The following SORCS1 variants were observed in gnomAD, a reference collection of about 807,000 sequenced individuals.
SORCS1 encodes the protein sortilin related VPS10 domain containing receptor 1.
Under a neutral mutation model 146.1 loss-of-function variants are expected in SORCS1, and 60 were observed. The ratio of observed to expected loss-of-function variants is 0.41; its 90% CI spans 0.33 to 0.51. SORCS1 has a LOEUF of 0.51. SORCS1 is among the 20% of genes least tolerant of loss of function. The pLI is 0.21. For synonymous variants in SORCS1, 637 were observed against 584.0 expected (o/e 1.09, Z -1.31); for missense variants, 1,352 against 1,487.6 (o/e 0.91, Z 1.50).
chr10:106,911,135 T>C (rs1186364154), intron 2 of SORCS1, among the ~76,000 whole-genome samples: 3 of 152,236 alleles, frequency 2.0e-5, no homozygotes, highest in Non-Finnish European at 4.4e-5. Context: ...GTCAAAGTAT[T>C]CTGTAAACTG....
intron 1 of SORCS1, among the ~76,000 whole-genome samples, chr10:107,077,027 C>A (rs534461964): frequency 6.6e-6 from 1 of 152,178 alleles, no homozygotes; most frequent in Admixed American, 6.5e-5. Context: ...GCATGTGTTA[C>A]TTCTAATGAC....
intron 1 of SORCS1, among the ~76,000 whole-genome samples, chr10:107,087,538 T>C (rs1002140446): frequency 6.6e-6 from 1 of 152,252 alleles, no homozygotes; most frequent in Non-Finnish European, 1.5e-5. Context: ...TAATACCATA[T>C]CTTGAGTCAT....
At chr10:106,826,353 A>C (rs544330607) in intron 3 of SORCS1, among the ~76,000 whole-genome samples, 2 of 152,348 alleles carry the variant, frequency 1.3e-5, no homozygotes, top group African/African-American at 4.8e-5. Context: ...ACCTGAGAGA[A>C]TTAATACAAC....
intron 1 of SORCS1, among the ~76,000 whole-genome samples, chr10:107,143,739 C>T (rs1297318431): frequency 1.3e-5 from 2 of 152,052 alleles, no homozygotes; most frequent in South Asian, 2.1e-4. Flanking sequence ...CTCCTGACCT[C>T]GTGATCTGCC....
chr10:107,151,452 T>A (rs898286860), intron 1 of SORCS1, among the ~76,000 whole-genome samples: 3 of 151,870 alleles, frequency 2.0e-5, no homozygotes, highest in Non-Finnish European at 2.9e-5. Context: ...GCTGGGGAGA[T>A]CTCAGAATGA....
chr10:107,037,362 G>A (rs1309481124), intron 1 of SORCS1, among the ~76,000 whole-genome samples: 3 of 152,230 alleles, frequency 2.0e-5, no homozygotes, highest in South Asian at 2.1e-4. Context: ...AAGTGTGTGA[G>A]GGCAGGCTAC....
At chr10:106,928,043 C>T (rs1953161937) in intron 2 of SORCS1, among the ~76,000 whole-genome samples, 1 of 152,278 alleles carries the variant, frequency 6.6e-6, no homozygotes, top group South Asian at 2.1e-4. Flanking sequence ...GCTGGCTTCA[C>T]CCAGTGGATC....
At chr10:106,609,064 A>C (rs951240293) in intron 22 of SORCS1, among the ~76,000 whole-genome samples, 1 of 152,022 alleles carries the variant, frequency 6.6e-6, no homozygotes, top group African/African-American at 2.4e-5. Context: ...CTCAATTTCC[A>C]CTCCAGGAAA....
intron 24 of SORCS1, among the ~76,000 whole-genome samples, chr10:106,590,269 T>G (rs1845520963): frequency 6.6e-6 from 1 of 152,168 alleles, no homozygotes; most frequent in Non-Finnish European, 1.5e-5. Context: ...GCATAGAACA[T>G]TTTTTCATTC....
At chr10:107,160,196 G>T (rs941613632) in intron 1 of SORCS1, among the ~76,000 whole-genome samples, 2 of 152,154 alleles carry the variant, frequency 1.3e-5, no homozygotes, top group Non-Finnish European at 2.9e-5. Context: ...CTCAAGATAG[G>T]ATTATCTAAA....
chr10:106,860,067 G>GCTTC (rs1949952952), intron 2 of SORCS1, among the ~76,000 whole-genome samples: 1 of 152,184 alleles, frequency 6.6e-6, no homozygotes. Flanking sequence ...AAACTTCAGG[G>GCTTC]CTTCCAGCTG....
At chr10:106,645,859 G>A (rs2133712138) in intron 18 of SORCS1, among the ~76,000 whole-genome samples, 1 of 151,854 alleles carries the variant, frequency 6.6e-6, no homozygotes, top group Non-Finnish European at 1.5e-5. Flanking sequence ...ATAGCTTATT[G>A]AAAACGTATT....
chr10:107,173,925 A>C, the SORCS1 span, among the ~76,000 whole-genome samples: 1 of 152,210 alleles, frequency 6.6e-6, no homozygotes, highest in Non-Finnish European at 1.5e-5. Context: ...CTAACAAAGC[A>C]CTTCTTAATT....
At chr10:106,929,216 A>T (rs1296258871) in intron 2 of SORCS1, among the ~76,000 whole-genome samples, 1 of 151,208 alleles carries the variant, frequency 6.6e-6, no homozygotes, top group African/African-American at 2.4e-5. Flanking sequence ...AAGAGAATGA[A>T]TTTTTCCCCA....
intron 1 of SORCS1, among the ~76,000 whole-genome samples, chr10:107,067,615 T>A (rs941014082): frequency 2.6e-5 from 4 of 152,216 alleles, no homozygotes; most frequent in African/African-American, 4.8e-5. Context: ...AAACTGCTAC[T>A]TTCATGATTT....
intron 1 of SORCS1, among the ~76,000 whole-genome samples, chr10:107,137,037 C>T (rs983583571): frequency 6.6e-6 from 1 of 152,210 alleles, no homozygotes. Flanking sequence ...GTTTCACCAA[C>T]AGAAGAATCT....
intron 2 of SORCS1, among the ~76,000 whole-genome samples, chr10:106,941,459 C>T (rs1217347111): frequency 6.6e-6 from 1 of 152,182 alleles, no homozygotes; most frequent in Non-Finnish European, 1.5e-5. Context: ...TGGATTCCTG[C>T]CCAGACAGCC....
chr10:107,015,917 G>A (rs929537868), intron 1 of SORCS1, among the ~76,000 whole-genome samples: 2 of 152,134 alleles, frequency 1.3e-5, no homozygotes, highest in Non-Finnish European at 2.9e-5. Flanking sequence ...TAAAATCTCT[G>A]ACTTTATCAC....
intron 19 of SORCS1, among the ~76,000 whole-genome samples, chr10:106,624,329 C>T (rs1259416771): frequency 1.4e-5 from 2 of 145,596 alleles, no homozygotes; most frequent in East Asian, 2.0e-4. Flanking sequence ...CACATAATCA[C>T]GTTTTGGTCA....
Sources: gnomAD v4.1 joint callset for allele counts (sites outside exome capture counted in the v4.1 genomes callset) on GRCh38, gnomAD v4.1.1 for gene constraint, MANE v1.5 for transcripts, NCBI Gene and HGNC (gene_info 2026-07-23, HGNC 2026-07-21) for gene names.